The following FGFR1 variants were observed in gnomAD, a reference collection of about 807,000 sequenced individuals.
FGFR1 encodes the protein FGFR1/PLAG1 fusion.
FGFR1 carries 18 observed loss-of-function variants against 93.7 expected under a neutral mutation model. The observed-to-expected ratio is 0.19, with a 90% CI of 0.13 to 0.28. The LOEUF (loss-of-function observed/expected upper bound fraction) is 0.28. FGFR1 is among the 10% of genes least tolerant of loss of function. The probability of loss-of-function intolerance (pLI) is 1.00; values close to 1 mark genes in which losing one functional copy is unlikely to be tolerated. For missense variants in FGFR1, 731 were observed against 1,080.4 expected (o/e 0.68, Z 4.53); for synonymous variants, 448 against 429.3 (o/e 1.04, Z -0.54).
At chr8:38,446,367 C>G (rs896224010) in intron 2 of FGFR1, among the ~76,000 whole-genome samples, 2 of 152,186 alleles carry the variant, frequency 1.3e-5, no homozygotes, top group African/African-American at 4.8e-5. Context: ...CCCGCCACCA[C>G]ACCCGGCTAG....
intron 10 of FGFR1, 67 bp from the exon 11 acceptor site, chr8:38,418,058 A>AT: frequency 6.2e-7 from 1 of 1,611,432 alleles, no homozygotes; most frequent in Non-Finnish European, 8.5e-7. Flanking sequence ...GAGGCACCCC[A>AT]TCTCCACCTC....
intron 1 of FGFR1, among the ~76,000 whole-genome samples, chr8:38,462,232 G>A (rs575798697): frequency 2.0e-5 from 3 of 152,116 alleles, no homozygotes; most frequent in South Asian, 2.1e-4. Flanking sequence ...TTGGCCAGGC[G>A]CGGTGGCTCA....
chr8:38,422,281 G>C, intron 7 of FGFR1: 1 of 462,816 alleles, frequency 2.2e-6, no homozygotes. Flanking sequence ...TTCAGGTAAA[G>C]ATAGCCAGAA....
intron 1 of FGFR1, 22 bp downstream of exon 1, chr8:38,467,959 C>A (rs1364856904): frequency 4.6e-6 from 1 of 217,116 alleles, no homozygotes; most frequent in Non-Finnish European, 9.3e-6. Context: ...CGCCCCAGAT[C>A]CGGGGGCGCC....
Position 38,424,045 on chromosome 8 carries a change from C to T in FGFR1, c.936+464G>A, listed in dbSNP as rs1319531614. ...GCCATTACTCCTCGTCCTCATATGG[C>T]TTAGAATTTATATATGGCATTTGTT... is the stretch of plus-strand genomic sequence containing the variant. On this transcript the variant is annotated intron_variant, in intron 7 of 17. Transcript: ENST00000447712. This position sits in a 1 kb window ranked among gnomAD's most constrained non-coding sequence, Gnocchi z 4.3. 3.7e-6 allele frequency: 1 copy of T among 271,904 alleles called. No individual in the cohort carries two copies. Among genetic ancestry groups the T allele is most frequent in the Non-Finnish European group, 7.3e-6 (1 of 136,558 alleles). The allele number at this position is 271,904 out of a possible 1,614,324, so 16.8% of individuals were successfully genotyped here. A position where few individuals can be genotyped will look rare whatever the true frequency, so the allele number is the denominator to read the frequency against.
chr8:38,450,346 A>G (rs1220164428), intron 2 of FGFR1, among the ~76,000 whole-genome samples: 3 of 152,170 alleles, frequency 2.0e-5, no homozygotes, highest in Non-Finnish European at 2.9e-5. Flanking sequence ...AGCCTCAGGG[A>G]AGGAAGAAAG....
At chr8:38,445,375 T>C (rs894455558) in intron 2 of FGFR1, among the ~76,000 whole-genome samples, 1 of 152,204 alleles carries the variant, frequency 6.6e-6, no homozygotes, top group Non-Finnish European at 1.5e-5. Context: ...GGATTCACTT[T>C]AGTGTCATCT....
intron 15 of FGFR1, 104 bp downstream of exon 15, chr8:38,414,455 C>G (rs1435486031): frequency 1.3e-6 from 2 of 1,548,644 alleles, no homozygotes; most frequent in Admixed American, 3.7e-5. Context: ...GTTTTTCTCT[C>G]TGGGGCAGAA....
intron 2 of FGFR1, among the ~76,000 whole-genome samples, chr8:38,452,659 G>A (rs1314590267): frequency 3.9e-5 from 6 of 151,922 alleles, no homozygotes; most frequent in African/African-American, 9.7e-5. Context: ...CACTGTGCTC[G>A]CCCTATGATT....
chr8:38,463,552 C>A (rs1586805529), intron 1 of FGFR1, among the ~76,000 whole-genome samples: 2 of 152,086 alleles, frequency 1.3e-5, no homozygotes, highest in African/African-American at 4.8e-5. Context: ...CCCTCGGCAC[C>A]TAGCATGTAC....
intron 1 of FGFR1, chr8:38,458,814 G>A (rs954918253): frequency 2.3e-5 from 5 of 220,892 alleles, no homozygotes; most frequent in African/African-American, 1.1e-4. Context: ...AGCCTCCCTT[G>A]CAGAGAGAAG....
intron 2 of FGFR1, among the ~76,000 whole-genome samples, chr8:38,431,652 T>TGG (rs887283833): frequency 6.6e-6 from 1 of 152,002 alleles, no homozygotes; most frequent in African/African-American, 2.4e-5. Context: ...TGGTTTCTCT[T>TGG]GGGGGGGCCA....
intron 12 of FGFR1, 149 bp downstream of exon 12, chr8:38,417,157 G>C (rs1816950698): frequency 2.8e-6 from 2 of 711,292 alleles, no homozygotes; most frequent in African/African-American, 1.7e-5. Context: ...GCGGAGCCCA[G>C]ATCCCGAGAT....
At chr8:38,464,572 C>T (rs115756382) in intron 1 of FGFR1, among the ~76,000 whole-genome samples, 2,395 of 152,214 alleles carry the variant, frequency 0.016, 59 homozygotes, top group African/African-American at 0.055. Context: ...AACAAATATC[C>T]TAGCCCAAGT....
intron 1 of FGFR1, chr8:38,461,253 C>T: frequency 2.4e-6 from 2 of 826,518 alleles, no homozygotes; most frequent in East Asian, 2.8e-5. Flanking sequence ...AGCTCTCCCA[C>T]TTCTAAGAGA....
At chr8:38,465,772 C>T (rs1835353270) in intron 1 of FGFR1, 1 of 217,882 alleles carries the variant, frequency 4.6e-6, no homozygotes, top group Admixed American at 5.8e-5. Flanking sequence ...AACCGGGAGC[C>T]CGGGCCAAGG....
rs759376422 is a variant in FGFR1 at position 38,413,669 on chromosome 8, G to A, written c.2428C>T (p.His810Tyr). ...PLPEEPCLPR[H>Y]PAQLANGGLK... ...CCGCCATTGGCAAGCTGGGCTGGGT[G>A]TCGGGGCAGGCAGGGCTCCTCGGGC... is the stretch of plus-strand genomic sequence containing the variant. Residue 810 changes from histidine to tyrosine, a missense_variant, in exon 18 of 18, where the codon CAC becomes TAC. Around this residue, in one of 10 missense-constraint regions of FGFR1, gnomAD observed 79 missense variants for 97.2 expected, o/e 0.81. Coordinates refer to ENST00000447712, the MANE Select transcript of FGFR1 (RefSeq NM_023110.3). The surrounding 1 kb of genome is among the most constrained non-coding windows in gnomAD (Gnocchi z 4.2). 41 of 1,613,380 alleles carry A rather than the reference G, an allele frequency of 2.5e-5. No homozygotes were observed. The highest frequency in any genetic ancestry group is 3.3e-5 in the Non-Finnish European group (39 of 1,179,848).
At chr8:38,430,193 G>GA in intron 2 of FGFR1, 1 of 561,790 alleles carries the variant, frequency 1.8e-6, no homozygotes, top group South Asian at 2.5e-5. Flanking sequence ...GTCAAAGGAA[G>GA]AAAGAGGCAA....
intron 2 of FGFR1, among the ~76,000 whole-genome samples, chr8:38,442,699 C>CA (rs1424121649): frequency 6.6e-6 from 1 of 152,178 alleles, no homozygotes; most frequent in African/African-American, 2.4e-5. Context: ...TCCCCTCCCC[C>CA]AAACTCAGCA....
Sources: allele counts gnomAD v4.1 joint callset (sites outside exome capture counted in the v4.1 genomes callset), GRCh38; gene constraint gnomAD v4.1.1; regional missense constraint gnomAD v4.1.1; non-coding constraint Gnocchi (gnomAD v3.1); transcripts MANE v1.5; gene names NCBI Gene and HGNC (gene_info 2026-07-23, HGNC 2026-07-21).